Variants in SORCS2 observed in about 807,000 individuals in gnomAD.
The protein encoded by SORCS2 is VPS10 domain-containing receptor SorCS2.
SORCS2 carries 100 observed loss-of-function variants against 141.6 expected under a neutral mutation model. The ratio of observed to expected loss-of-function variants is 0.71; its 90% CI spans 0.60 to 0.83. The LOEUF is 0.83. SORCS2 is among the 40% of genes least tolerant of loss of function. The pLI is 0.00. For missense variants in SORCS2, 1,646 were observed against 1,560.2 expected (o/e 1.05, Z -0.93); for synonymous variants, 789 against 676.9 (o/e 1.17, Z -2.57).
intron 2 of SORCS2, among the ~76,000 whole-genome samples, chr4:7,473,474 G>T (rs28630370): frequency 6.6e-6 from 1 of 151,966 alleles, no homozygotes; most frequent in Non-Finnish European, 1.5e-5. Context: ...GCTGAGGGGC[G>T]TGCACTCCAG....
At chr4:7,418,712 C>CA (rs201189442) in intron 2 of SORCS2, among the ~76,000 whole-genome samples, 58,279 of 145,812 alleles carry the variant, frequency 0.4, 12,395 homozygotes, top group Middle Eastern at 0.54. Context: ...ACCCCCCCCC[C>CA]CACCAGATTT....
At chr4:7,696,686 C>T (rs1333694451) in intron 11 of SORCS2, among the ~76,000 whole-genome samples, 2 of 152,232 alleles carry the variant, frequency 1.3e-5, no homozygotes, top group Admixed American at 6.5e-5. Flanking sequence ...GCCCACCTCA[C>T]CTTCCTCCCA....
chr4:7,351,639 T>G (rs1577433099), intron 1 of SORCS2, among the ~76,000 whole-genome samples: 1 of 151,714 alleles, frequency 6.6e-6, no homozygotes, highest in Non-Finnish European at 1.5e-5. Context: ...CCCTTGTCCC[T>G]CCTCCTATCC....
chr4:7,443,428 C>T (rs868539283), intron 2 of SORCS2, among the ~76,000 whole-genome samples: 41 of 152,124 alleles, frequency 2.7e-4, no homozygotes, highest in African/African-American at 4.8e-5. Flanking sequence ...CGCACAGCCG[C>T]GAATGGAGCC....
chr4:7,271,287 A>C (rs57761317), intron 1 of SORCS2, among the ~76,000 whole-genome samples: 1 of 151,920 alleles, frequency 6.6e-6, no homozygotes, highest in African/African-American at 2.4e-5. Flanking sequence ...GAGTCTAATG[A>C]TCCCAGTGGC....
chr4:7,563,633 G>T (rs186768225), intron 3 of SORCS2, among the ~76,000 whole-genome samples: 1 of 152,202 alleles, frequency 6.6e-6, no homozygotes, highest in African/African-American at 2.4e-5. Context: ...GATGCCATCT[G>T]CTTCTGCTTA....
intron 8 of SORCS2, among the ~76,000 whole-genome samples, chr4:7,674,032 G>C (rs938887107): frequency 6.6e-6 from 1 of 152,202 alleles, no homozygotes; most frequent in Non-Finnish European, 1.5e-5. Flanking sequence ...GAGCTGAGGT[G>C]AGGAGGGCAG....
chr4:7,521,479 G>A (rs915030110), intron 2 of SORCS2, among the ~76,000 whole-genome samples: 9 of 152,162 alleles, frequency 5.9e-5, no homozygotes, highest in Non-Finnish European at 1.0e-4. Flanking sequence ...CAATTGCCCT[G>A]TGTCACCTTA....
chr4:7,454,258 CTG>C (rs571454838), intron 2 of SORCS2, among the ~76,000 whole-genome samples: 32 of 83,838 alleles, frequency 3.8e-4, no homozygotes, highest in African/African-American at 1.6e-3. Flanking sequence ...GGGTCAGGCT[CTG>C]TGTTGGGGTC....
intron 3 of SORCS2, among the ~76,000 whole-genome samples, chr4:7,563,209 G>T (rs990986008): frequency 6.6e-6 from 1 of 152,132 alleles, no homozygotes; most frequent in Non-Finnish European, 1.5e-5. Flanking sequence ...GCCCAGATGT[G>T]CAGAGCTCTT....
At chr4:7,424,703 G>C (rs1726305790) in intron 2 of SORCS2, among the ~76,000 whole-genome samples, 1 of 152,184 alleles carries the variant, frequency 6.6e-6, no homozygotes, top group East Asian at 1.9e-4. Context: ...GGGGCTCTCA[G>C]CAGGACAAAG....
intron 1 of SORCS2, among the ~76,000 whole-genome samples, chr4:7,244,209 A>G (rs369789386): frequency 6.6e-6 from 1 of 152,056 alleles, no homozygotes; most frequent in East Asian, 1.9e-4. Context: ...GGAGCTGACA[A>G]CTCCCAGCTT....
At chr4:7,219,170 C>CTGTGTG (rs57092836) in intron 1 of SORCS2, among the ~76,000 whole-genome samples, 4 of 150,622 alleles carry the variant, frequency 2.7e-5, no homozygotes, top group African/African-American at 9.8e-5. Flanking sequence ...TTTGTCTATG[C>CTGTGTG]TGTGTGTGTG....
chr4:7,613,250 G>A (rs1369737442), intron 3 of SORCS2, among the ~76,000 whole-genome samples: 1 of 152,236 alleles, frequency 6.6e-6, no homozygotes, highest in Non-Finnish European at 1.5e-5. Context: ...AAATACATTT[G>A]TTGATACTCT....
intron 3 of SORCS2, among the ~76,000 whole-genome samples, chr4:7,553,671 A>G (rs1229669755): frequency 6.6e-6 from 1 of 152,254 alleles, no homozygotes; most frequent in Non-Finnish European, 1.5e-5. Flanking sequence ...CCAGGTGGGC[A>G]CCAGGTTCAG....
chr4:7,334,125 C>T (rs374730113), intron 1 of SORCS2, among the ~76,000 whole-genome samples: 10 of 152,138 alleles, frequency 6.6e-5, no homozygotes, highest in African/African-American at 2.2e-4. Flanking sequence ...CAAGAGCCCA[C>T]GAGGGCGGCA....
chr4:7,460,468 T>C (rs958536040), intron 2 of SORCS2, among the ~76,000 whole-genome samples: 4 of 152,314 alleles, frequency 2.6e-5, no homozygotes, highest in African/African-American at 9.6e-5. Context: ...GCAGCCTCAG[T>C]GAATTCCAAC....
At chr4:7,312,065 T>C (rs1040425576) in intron 1 of SORCS2, among the ~76,000 whole-genome samples, 2 of 151,998 alleles carry the variant, frequency 1.3e-5, no homozygotes, top group African/African-American at 4.8e-5. Context: ...TTAGTAGAGA[T>C]GGAGTTTCAC....
intron 1 of SORCS2, among the ~76,000 whole-genome samples, chr4:7,381,363 T>C (rs942442996): frequency 1.3e-5 from 2 of 151,856 alleles, no homozygotes; most frequent in Non-Finnish European, 2.9e-5. Context: ...AGCTGGAGGG[T>C]GCTTCCCCAG....
Sources: gnomAD v4.1 joint callset for allele counts (sites outside exome capture counted in the v4.1 genomes callset) on GRCh38, gnomAD v4.1.1 for gene constraint, MANE v1.5 for transcripts, NCBI Gene and HGNC (gene_info 2026-07-23, HGNC 2026-07-21) for gene names.